Variants in GTPBP4 observed in about 807,000 individuals in gnomAD.
The protein encoded by GTPBP4 is GTP-binding protein 4.
Under a neutral mutation model 81.7 loss-of-function variants are expected in GTPBP4, and 15 were observed. The ratio of observed to expected loss-of-function variants is 0.18; its 90% CI spans 0.12 to 0.28. The LOEUF (loss-of-function observed/expected upper bound fraction) is 0.28, where lower values mean the gene tolerates loss of function less well. Ranked by LOEUF, GTPBP4 falls within the 10% of genes least tolerant of loss-of-function variation. The pLI is 1.00. For synonymous variants in GTPBP4, 272 were observed against 274.6 expected (o/e 0.99, Z 0.09); for missense variants, 847 against 793.8 (o/e 1.07, Z -0.81).
At chr10:995,131 G>T (rs1055216323) in intron 2 of GTPBP4, among the ~76,000 whole-genome samples, 12 of 152,158 alleles carry the variant, frequency 7.9e-5, no homozygotes, top group Non-Finnish European at 2.9e-5. Context: ...GGAGATGCTG[G>T]CCTGGTGATT....
chr10:996,338 G>C (rs1370276592), intron 4 of GTPBP4, 96 bp downstream of exon 4: 11 of 1,062,838 alleles, frequency 1.0e-5, no homozygotes, highest in Non-Finnish European at 1.5e-5. Flanking sequence ...TTGTATTTTG[G>C]AGATGACAGG....
chr10:1,004,197 G>A lies in GTPBP4; in HGVS notation c.913-1621G>A, dbSNP rs548259644. ...GAACTCTGGACCCTGGGATGGTGGG[G>A]CCCAGCAGTATCCCAGACTCTCTGA... On this transcript the variant is annotated intron_variant, in intron 8 of 16. Coordinates refer to ENST00000360803, the MANE Select transcript of GTPBP4 (RefSeq NM_012341.3). Among the ~76,000 whole-genome samples, 10 of 152,262 alleles carry A rather than the reference G, an allele frequency of 6.6e-5. No homozygotes were observed. In the South Asian group the frequency reaches 2.1e-3, roughly 32 times the overall value.
chr10:995,534 T>C (rs1831523791), intron 2 of GTPBP4, among the ~76,000 whole-genome samples: 1 of 152,114 alleles, frequency 6.6e-6, no homozygotes, highest in Non-Finnish European at 1.5e-5. Context: ...ATTTTGGGGC[T>C]ATGGGAATTT....
chr10:991,823 G>T (rs1303419045), intron 1 of GTPBP4, among the ~76,000 whole-genome samples: 1 of 147,502 alleles, frequency 6.8e-6, no homozygotes, highest in Non-Finnish European at 1.5e-5. Flanking sequence ...AGCCTCCCGA[G>T]TAGCTGGGAC....
In GTPBP4 at chr10:1,003,202, A is replaced by G. The variant is rs192876907; in HGVS notation, c.912+2189A>G. Among the ~76,000 whole-genome samples, 6 of 152,104 alleles carry G rather than the reference A, an allele frequency of 3.9e-5. No homozygotes were observed. The East Asian group carries it at 1.2e-3, about 29-fold the overall frequency. The stretch of plus-strand genomic sequence containing the variant: ...TGCTGTTAAAACTGTCTATTGTATT[A>G]TCTCATCCATTGAATTCTTCAGCTA... On this transcript the variant is annotated intron_variant, in intron 8 of 16. Transcript: ENST00000360803.
intron 5 of GTPBP4, among the ~76,000 whole-genome samples, chr10:998,155 A>G (rs967907211): frequency 6.6e-6 from 1 of 152,114 alleles, no homozygotes; most frequent in African/African-American, 2.4e-5. Context: ...GCTGAAGTGC[A>G]GTGGTGCAGA....
At chr10:1,002,564 G>A (rs1046259501) in intron 8 of GTPBP4, among the ~76,000 whole-genome samples, 2 of 152,118 alleles carry the variant, frequency 1.3e-5, no homozygotes, top group Admixed American at 1.3e-4. Flanking sequence ...CCAGATGTAG[G>A]ACTTTCTTAA....
rs1490146273 is a variant in GTPBP4, at chr10:997,305, C to T, written c.558C>T (p.Asn186=). Reference sequence around the variant, plus strand: ...ATGTTGGGAAGTCCAGCTTCATCAACAAGGTTGGTCTGGTTTTTATCGTAA... The same window carrying T: ...ATGTTGGGAAGTCCAGCTTCATCAATAAGGTTGGTCTGGTTTTTATCGTAA... ...YPNVGKSSFI[N]KVTRADVDVQ... is the part of the protein sequence containing the mutation. Residue 186 remains asparagine (N), a synonymous_variant, in exon 5 of 17, where the codon AAC becomes AAT. Coordinates refer to ENST00000360803, the MANE Select transcript of GTPBP4 (RefSeq NM_012341.3). 5 of 1,534,258 alleles carry T rather than the reference C, an allele frequency of 3.3e-6. No homozygotes were observed. Among genetic ancestry groups the T allele is most frequent in the Non-Finnish European group, 4.5e-6 (5 of 1,107,034 alleles).
At chr10:989,177 C>T (rs1831398468) in intron 1 of GTPBP4, among the ~76,000 whole-genome samples, 1 of 144,794 alleles carries the variant, frequency 6.9e-6, no homozygotes, top group South Asian at 2.2e-4. Context: ...GGCTGGAGCG[C>T]AGTCTCGGCT....
chr10:1,006,396 T>C (rs565950255), intron 9 of GTPBP4, among the ~76,000 whole-genome samples: 1 of 152,318 alleles, frequency 6.6e-6, no homozygotes, highest in Non-Finnish European at 1.5e-5. Flanking sequence ...CCCAGCACTT[T>C]GGGAGGCTGA....
At chr10:990,436 G>A (rs1831421548) in intron 1 of GTPBP4, among the ~76,000 whole-genome samples, 1 of 152,050 alleles carries the variant, frequency 6.6e-6, no homozygotes, top group Non-Finnish European at 1.5e-5. Context: ...AGAGAGGTAA[G>A]TCGAGGCCGG....
chr10:1,010,291 A>T, intron 12 of GTPBP4, 129 bp from the exon 13 acceptor site: 1 of 630,002 alleles, frequency 1.6e-6, no homozygotes, highest in South Asian at 1.9e-5. Context: ...CTGCATGTGG[A>T]ATTGCACGTC....
chr10:1,015,375 C>T, intron 15 of GTPBP4, among the ~76,000 whole-genome samples: 1 of 139,798 alleles, frequency 7.2e-6, no homozygotes. Context: ...GGCTGGGGTC[C>T]TGAGCTCTGA....
chr10:997,567 A>G (rs1227950952), intron 5 of GTPBP4, among the ~76,000 whole-genome samples: 1 of 152,234 alleles, frequency 6.6e-6, no homozygotes, highest in Non-Finnish European at 1.5e-5. Context: ...GTCTGTATCT[A>G]CATTTATATT....
intron 1 of GTPBP4, among the ~76,000 whole-genome samples, chr10:991,403 T>G (rs550846692): frequency 1.3e-5 from 2 of 152,350 alleles, no homozygotes; most frequent in East Asian, 3.9e-4. Context: ...GGATCCTTAT[T>G]AAAGAGAAGT....
Position 1,017,324 on chromosome 10 carries a change from A to T in GTPBP4, c.*97A>T, listed in dbSNP as rs1035696490. ...TGAAATTGGAGCTCTGTATAAACTG[A>T]AAAAGACAAAATAAGTAAAGCACTT... is the stretch of plus-strand genomic sequence containing the variant. On this transcript the variant is annotated 3_prime_UTR_variant, in exon 17 of 17. Transcript: ENST00000360803. The T allele has an allele frequency of 2.7e-6, 3 of 1,110,298 alleles. No individual in the cohort carries two copies. The highest frequency in any genetic ancestry group is 4.6e-5 in the Admixed American group (2 of 43,630). The allele number at this position is 1,110,298 out of a possible 1,614,324, so 68.8% of individuals were successfully genotyped here.
At chr10:1,011,270 A>G (rs1162735111) in intron 13 of GTPBP4, among the ~76,000 whole-genome samples, 2 of 152,166 alleles carry the variant, frequency 1.3e-5, no homozygotes, top group Non-Finnish European at 2.9e-5. Flanking sequence ...GCTGTGTCAC[A>G]TCTTTTTCCT....
rs371978527 is a variant in GTPBP4, at chr10:1,017,331, C to T, written c.*104C>T. 2 of 1,073,730 alleles carry T rather than the reference C, an allele frequency of 1.9e-6. No individual in the cohort carries two copies. The highest frequency in any genetic ancestry group is 1.6e-5 in the South Asian group (1 of 62,468). 66.5% of individuals were successfully genotyped at this position (1,073,730 alleles called of 1,614,324 possible). On this transcript the variant is annotated 3_prime_UTR_variant, in exon 17 of 17. Transcript: ENST00000360803. ...GGAGCTCTGTATAAACTGAAAAAGACAAAATAAGTAAAGCACTTGTTGCTT... is the reference window on the plus strand; with the variant it reads ...GGAGCTCTGTATAAACTGAAAAAGATAAAATAAGTAAAGCACTTGTTGCTT...
chr10:1,019,256 AG>A lies in GTPBP4; in HGVS notation c.*2030del, dbSNP rs1832045279. The A allele has an allele frequency of 2.7e-6, 1 of 373,026 alleles. No individual in the cohort carries two copies. Among genetic ancestry groups the A allele is most frequent in the Non-Finnish European group, 4.8e-6 (1 of 206,942 alleles). The allele number at this position is 373,026 out of a possible 1,614,324, so 23.1% of individuals were successfully genotyped here. On this transcript the variant is annotated 3_prime_UTR_variant, in exon 17 of 17. Transcript: ENST00000360803. ...AGGATCAGCTGCTGTTAATCAAACAAGTGCTTATAAAATGGAAATTGGGACA... is the reference window on the plus strand; with the variant it reads ...AGGATCAGCTGCTGTTAATCAAACAATGCTTATAAAATGGAAATTGGGACA...
Sources: allele counts gnomAD v4.1 joint callset (sites outside exome capture counted in the v4.1 genomes callset), GRCh38; gene constraint gnomAD v4.1.1; transcripts MANE v1.5; gene names NCBI Gene and HGNC (gene_info 2026-07-23, HGNC 2026-07-21).